DDX19A: variants seen among roughly 807,000 people sequenced by gnomAD.
DDX19A encodes the protein ATP-dependent RNA helicase DDX19A.
Under a neutral mutation model 60.6 loss-of-function variants are expected in DDX19A, and 12 were observed. That is an observed-to-expected ratio of 0.20 (90% CI 0.13 to 0.32). The LOEUF is 0.32. Among genes scored for constraint, DDX19A ranks in the 10% least tolerant of loss-of-function variants. The probability of loss-of-function intolerance (pLI) is 1.00; values close to 1 mark genes in which losing one functional copy is unlikely to be tolerated. For synonymous variants in DDX19A, 206 were observed against 218.2 expected, an observed-to-expected ratio of 0.94 and a Z score of 0.49; for missense variants, 337 against 600.6, an observed-to-expected ratio of 0.56 and a Z score of 4.59.
intron 2 of DDX19A, among the ~76,000 whole-genome samples, chr16:70,350,916 C>T (rs1034485192): frequency 2.0e-5 from 3 of 151,630 alleles, no homozygotes; most frequent in East Asian, 1.9e-4. Flanking sequence ...CTCGCTCTGT[C>T]GCCCAGGCTG....
chr16:70,352,188 A>G (rs775792540), intron 2 of DDX19A, among the ~76,000 whole-genome samples: 4 of 152,150 alleles, frequency 2.6e-5, no homozygotes, highest in Admixed American at 6.6e-5. Context: ...TCTCTCAACC[A>G]AAACGTGGCG....
intron 5 of DDX19A, chr16:70,364,060 A>G (rs1283018461): frequency 6.5e-6 from 1 of 153,452 alleles, no homozygotes; most frequent in Non-Finnish European, 1.4e-5. Flanking sequence ...CATGCCACCT[A>G]TTCCCATGAT....
At chr16:70,354,962 A>T (rs1297623359) in intron 2 of DDX19A, among the ~76,000 whole-genome samples, 1 of 152,070 alleles carries the variant, frequency 6.6e-6, no homozygotes, top group Non-Finnish European at 1.5e-5. Context: ...TGATTGCACC[A>T]CTGCACCTTA....
At chr16:70,367,516 T>C (rs555634840) in intron 9 of DDX19A, among the ~76,000 whole-genome samples, 2 of 152,022 alleles carry the variant, frequency 1.3e-5, no homozygotes, top group East Asian at 1.9e-4. Context: ...AATGGAAGCA[T>C]AGATCTCATT....
At chr16:70,362,793 C>G (rs556730068) in intron 5 of DDX19A, among the ~76,000 whole-genome samples, 1 of 152,104 alleles carries the variant, frequency 6.6e-6, no homozygotes, top group South Asian at 2.1e-4. Flanking sequence ...AGGTGGATCA[C>G]TTGAGGTCAG....
intron 2 of DDX19A, 47 bp downstream of exon 2, chr16:70,350,652 G>C (rs753382866): frequency 2.1e-6 from 3 of 1,432,988 alleles, no homozygotes; most frequent in African/African-American, 1.4e-5. Context: ...CATGTGGGCC[G>C]CTGCTTTGCA....
intron 1 of DDX19A, among the ~76,000 whole-genome samples, chr16:70,347,548 C>T (rs898252820): frequency 5.3e-5 from 8 of 152,174 alleles, no homozygotes; most frequent in Non-Finnish European, 4.4e-5. Context: ...TGTAAAGTAA[C>T]GGTTTCATGT....
chr16:70,355,915 T>C (rs369069645), intron 3 of DDX19A, 197 bp from the exon 4 acceptor site: 2 of 679,496 alleles, frequency 2.9e-6, no homozygotes, highest in African/African-American at 3.6e-5. Context: ...TGAGCTCTGA[T>C]TGCTCCACTG....
chr16:70,347,170 G>T, intron 1 of DDX19A, 122 bp downstream of exon 1: 1 of 939,506 alleles, frequency 1.1e-6, no homozygotes, highest in Non-Finnish European at 1.7e-6. Flanking sequence ...AGTTTGCTAG[G>T]GCAGTCACTT....
rs553660494 is a variant in DDX19A, at chr16:70,365,796, T to C, written c.605-289T>C. The C allele has an allele frequency of 6.7e-5, 31 of 464,912 alleles. 1 individual carries two copies. The highest frequency in any genetic ancestry group is 6.5e-4 in the South Asian group (30 of 46,444). The allele number at this position is 464,912 out of a possible 1,614,324, so 28.8% of individuals were successfully genotyped here. A position where few individuals can be genotyped will look rare whatever the true frequency, so the allele number is the denominator to read the frequency against. ...CCCTGTCTCAAAATAAATAAATAAA[T>C]AAACATAAAAAGAGTTGGATGATGT... is the stretch of plus-strand genomic sequence containing the variant. On this transcript the variant is annotated intron_variant, in intron 7 of 11. Transcript: ENST00000302243.
intron 9 of DDX19A, among the ~76,000 whole-genome samples, chr16:70,369,540 G>A (rs568537901): frequency 6.6e-6 from 1 of 151,562 alleles, no homozygotes; most frequent in East Asian, 1.9e-4. Context: ...AAATTGCTGT[G>A]GTTATAGGCG....
rs146330699 is a variant in DDX19A, at chr16:70,358,141, G to C, written c.293+1894G>C. Among the ~76,000 whole-genome samples the C allele has an allele frequency of 1.5e-3, 226 of 151,982 alleles. 5 individuals are homozygous for C. The highest frequency in any genetic ancestry group is 4.6e-3 in the African/African-American group (192 of 41,470). ...TACCTCCCGGGTTCAAGCGATTCTC[G>C]TTCCTCAGCCTCTCACGTAGCTGGG... is the stretch of plus-strand genomic sequence containing the variant. On this transcript the variant is annotated intron_variant, in intron 4 of 11. Transcript: ENST00000302243.
intron 1 of DDX19A, among the ~76,000 whole-genome samples, chr16:70,348,913 T>C (rs1335408739): frequency 6.6e-6 from 1 of 152,076 alleles, no homozygotes; most frequent in Non-Finnish European, 1.5e-5. Context: ...ACCACTGCAC[T>C]CCAGCATGGG....
chr16:70,356,362 C>T, intron 4 of DDX19A, 115 bp downstream of exon 4: 3 of 1,301,074 alleles, frequency 2.3e-6, no homozygotes, highest in South Asian at 1.6e-5. Flanking sequence ...GTATTTTTTC[C>T]TTTTTTTTTT....
chr16:70,348,922 G>A (rs978989765), intron 1 of DDX19A, among the ~76,000 whole-genome samples: 1 of 152,082 alleles, frequency 6.6e-6, no homozygotes, highest in African/African-American at 2.4e-5. Flanking sequence ...CTCCAGCATG[G>A]GTGACGGTGA....
chr16:70,370,574 C>G (rs1483753067), intron 10 of DDX19A, 189 bp downstream of exon 10: 1 of 949,106 alleles, frequency 1.1e-6, no homozygotes, highest in Non-Finnish European at 1.4e-6. Flanking sequence ...ATGCCAGGTG[C>G]GGTGGCTCAT....
intron 8 of DDX19A, 118 bp downstream of exon 8, chr16:70,366,380 ATT>A (rs1964520182): frequency 1.4e-6 from 2 of 1,465,504 alleles, no homozygotes; most frequent in Admixed American, 4.0e-5. Flanking sequence ...TCTCAGCAGC[ATT>A]TGTTTGACGG....
Position 70,365,015 on chromosome 16 carries a change from A to T in DDX19A, c.490-2A>T. The T allele has an allele frequency of 6.2e-7, 1 of 1,612,902 alleles. No individual in the cohort carries two copies. The highest frequency in any genetic ancestry group is 8.5e-7 in the Non-Finnish European group (1 of 1,179,138). ...ACTCATCCTTTATGATTTTTCTGTCAGTGTCTGTGCCTCTCCCCAACATAT... is the reference window on the plus strand; with the variant it reads ...ACTCATCCTTTATGATTTTTCTGTCTGTGTCTGTGCCTCTCCCCAACATAT... On this transcript the variant is annotated splice_acceptor_variant, in intron 6 of 11. Coordinates refer to ENST00000302243, the MANE Select transcript of DDX19A (RefSeq NM_018332.5). LOFTEE classifies it high-confidence loss of function.
At chr16:70,352,362 C>T (rs962998843) in intron 2 of DDX19A, among the ~76,000 whole-genome samples, 2 of 149,894 alleles carry the variant, frequency 1.3e-5, no homozygotes, top group Non-Finnish European at 3.0e-5. Flanking sequence ...TTGGCTCACT[C>T]CAACCTCCGC....
Sources: allele counts gnomAD v4.1 joint callset (sites outside exome capture counted in the v4.1 genomes callset), GRCh38; gene constraint gnomAD v4.1.1; transcripts MANE v1.5; gene names NCBI Gene and HGNC (gene_info 2026-07-23, HGNC 2026-07-21).